Variants in TMEM45A observed in about 807,000 individuals in gnomAD.
TMEM45A encodes the protein transmembrane protein 45A.
Under a neutral mutation model 32.0 loss-of-function variants are expected in TMEM45A, and 25 were observed. The observed-to-expected ratio is 0.78, with a 90% confidence interval of 0.57 to 1.09. The LOEUF (loss-of-function observed/expected upper bound fraction) is 1.09. Ranked by LOEUF, TMEM45A falls within the 50% of genes least tolerant of loss-of-function variation. The pLI is 0.00. For missense variants in TMEM45A, 302 were observed against 325.0 expected (o/e 0.93, Z 0.54); for synonymous variants, 122 against 114.8 (o/e 1.06, Z -0.40).
chr3:100,496,260 C>T (rs901968326), intron 1 of TMEM45A, among the ~76,000 whole-genome samples: 1 of 152,208 alleles, frequency 6.6e-6, no homozygotes, highest in African/African-American at 2.4e-5. Context: ...CTATTTGATA[C>T]ATCTGCGACT....
chr3:100,539,749 G>A (rs1164651916), intron 1 of TMEM45A, among the ~76,000 whole-genome samples: 4 of 152,060 alleles, frequency 2.6e-5, no homozygotes, highest in African/African-American at 9.7e-5. Flanking sequence ...ATTGAATGAT[G>A]CCCACCCAGG....
At chr3:100,552,892 AT>A (rs1367240520) in intron 1 of TMEM45A, among the ~76,000 whole-genome samples, 3 of 152,326 alleles carry the variant, frequency 2.0e-5, no homozygotes, top group Admixed American at 6.5e-5. Flanking sequence ...AAGGAGTTCA[AT>A]AACCACAGAT....
chr3:100,570,060 T>C (rs550252348), intron 5 of TMEM45A, among the ~76,000 whole-genome samples: 16 of 152,358 alleles, frequency 1.1e-4, no homozygotes, highest in Admixed American at 8.5e-4. Flanking sequence ...CAGACTTCAG[T>C]GCTGATTGAA....
chr3:100,565,786 C>G (rs1706421163), intron 4 of TMEM45A, among the ~76,000 whole-genome samples: 1 of 152,088 alleles, frequency 6.6e-6, no homozygotes, highest in Non-Finnish European at 1.5e-5. Flanking sequence ...TAAAACTTTC[C>G]TAACATAACA....
chr3:100,513,069 C>A (rs1466873324), intron 1 of TMEM45A, among the ~76,000 whole-genome samples: 1 of 149,078 alleles, frequency 6.7e-6, no homozygotes, highest in Admixed American at 6.7e-5. Context: ...GGTACCATTC[C>A]TTCTGAAACT....
chr3:100,504,951 G>A (rs552113597), intron 1 of TMEM45A, among the ~76,000 whole-genome samples: 1 of 152,160 alleles, frequency 6.6e-6, no homozygotes, highest in African/African-American at 2.4e-5. Flanking sequence ...TCTCATACCT[G>A]CTTTTTAGAC....
chr3:100,516,093 TA>T (rs1461293153), intron 1 of TMEM45A, among the ~76,000 whole-genome samples: 1 of 152,182 alleles, frequency 6.6e-6, no homozygotes, highest in Non-Finnish European at 1.5e-5. Context: ...TGTAGCCAAA[TA>T]GCACATGTAC....
rs553489901 is a variant in TMEM45A, at chr3:100,528,280, G to C, written c.-3-26929G>C. Among the ~76,000 whole-genome samples the C allele has an allele frequency of 3.9e-5, 6 of 152,262 alleles. No homozygotes were observed. In the South Asian group the frequency reaches 1.2e-3, roughly 32 times the overall value. On this transcript the variant is annotated intron_variant, in intron 1 of 5. Transcript: ENST00000323523. ...CCTTTCGCATCTCTAAGTCTGTAAGGCTCTATATTTGGTTTTCCCAGGGAT... is the reference window on the plus strand; with the variant it reads ...CCTTTCGCATCTCTAAGTCTGTAAGCCTCTATATTTGGTTTTCCCAGGGAT...
At chr3:100,567,279 A>G (rs186695388) in intron 4 of TMEM45A, among the ~76,000 whole-genome samples, 142 of 152,016 alleles carry the variant, frequency 9.3e-4, no homozygotes, top group Middle Eastern at 3.4e-3. Context: ...TCCCCATTGA[A>G]TGGCTTTGGC....
chr3:100,550,358 T>G (rs1706070741), intron 1 of TMEM45A, among the ~76,000 whole-genome samples: 1 of 152,166 alleles, frequency 6.6e-6, no homozygotes, highest in Non-Finnish European at 1.5e-5. Context: ...AATGAAATTT[T>G]AAAGCTACAT....
chr3:100,552,301 G>T (rs1238920639), intron 1 of TMEM45A, among the ~76,000 whole-genome samples: 1 of 152,118 alleles, frequency 6.6e-6, no homozygotes, highest in African/African-American at 2.4e-5. Flanking sequence ...TATGGTAATG[G>T]TCATAGAGGC....
At chr3:100,507,560 G>GT (rs1234151718) in intron 1 of TMEM45A, among the ~76,000 whole-genome samples, 1 of 152,112 alleles carries the variant, frequency 6.6e-6, no homozygotes, top group Non-Finnish European at 1.5e-5. Flanking sequence ...ACCTAGAAAG[G>GT]TTTTCAATAA....
intron 1 of TMEM45A, among the ~76,000 whole-genome samples, chr3:100,541,614 C>G (rs1705881545): frequency 6.7e-6 from 1 of 150,150 alleles, no homozygotes; most frequent in African/African-American, 2.4e-5. Context: ...ACTGCCGCCT[C>G]ACCTTCCTGG....
chr3:100,571,960 T>C (rs1180052023), intron 5 of TMEM45A: 1 of 152,212 alleles, frequency 6.6e-6, no homozygotes, highest in African/African-American at 2.4e-5. Context: ...TAGTATTCCA[T>C]GGTGTATATG....
chr3:100,521,271 T>C (rs989690890), intron 1 of TMEM45A, among the ~76,000 whole-genome samples: 5 of 152,006 alleles, frequency 3.3e-5, no homozygotes, highest in Admixed American at 6.5e-5. Flanking sequence ...CTTTCTTTTT[T>C]TTTTGAGACC....
At chr3:100,531,474 C>A (rs1405071811) in intron 1 of TMEM45A, among the ~76,000 whole-genome samples, 2 of 152,154 alleles carry the variant, frequency 1.3e-5, no homozygotes, top group African/African-American at 4.8e-5. Context: ...TATTTAGGAT[C>A]ATGAGGATAG....
At chr3:100,559,548 A>G (rs1324457725) in intron 4 of TMEM45A, among the ~76,000 whole-genome samples, 3 of 152,232 alleles carry the variant, frequency 2.0e-5, no homozygotes, top group African/African-American at 7.2e-5. Context: ...AAAACTTCAT[A>G]GAAAAAAGCT....
intron 1 of TMEM45A, chr3:100,519,737 G>A: frequency 1.0e-6 from 1 of 968,126 alleles, no homozygotes; most frequent in Non-Finnish European, 1.6e-6. Context: ...GTAACTTATT[G>A]TGGGTTGTGG....
chr3:100,508,840 T>G (rs1708114692), intron 1 of TMEM45A, among the ~76,000 whole-genome samples: 1 of 151,578 alleles, frequency 6.6e-6, no homozygotes, highest in Admixed American at 6.6e-5. Flanking sequence ...GATTAAAAAC[T>G]TTAAGACCTG....
Sources: gnomAD v4.1 joint callset for allele counts (sites outside exome capture counted in the v4.1 genomes callset) on GRCh38, gnomAD v4.1.1 for gene constraint, MANE v1.5 for transcripts, NCBI Gene and HGNC (gene_info 2026-07-23, HGNC 2026-07-21) for gene names.